The following NKAIN3 variants were observed in gnomAD, a reference collection of about 807,000 sequenced individuals.
NKAIN3 encodes the protein sodium/potassium-transporting ATPase subunit beta-1-interacting protein 3.
A neutral mutation model predicts 30.2 loss-of-function variants in NKAIN3; 25 were observed. The observed-to-expected ratio is 0.83, with a 90% CI of 0.60 to 1.16. The LOEUF (loss-of-function observed/expected upper bound fraction) is 1.16, where lower values mean the gene tolerates loss of function less well. Among genes scored for constraint, NKAIN3 ranks in the 50% most tolerant of loss-of-function variants. The probability of loss-of-function intolerance (pLI) is 0.00; values close to 1 mark genes in which losing one functional copy is unlikely to be tolerated. For synonymous variants in NKAIN3, 91 were observed against 89.6 expected (o/e 1.02, Z -0.09); for missense variants, 225 against 254.1 (o/e 0.89, Z 0.78).
At chr8:62,635,170 A>G (rs1812088775) in intron 3 of NKAIN3, among the ~76,000 whole-genome samples, 3 of 152,154 alleles carry the variant, frequency 2.0e-5, no homozygotes, top group Admixed American at 2.0e-4. Context: ...AATAAATCAA[A>G]GATCAAATAA....
chr8:62,655,867 TA>T (rs113518564), intron 3 of NKAIN3, among the ~76,000 whole-genome samples: 6,873 of 152,154 alleles, frequency 0.045, 268 homozygotes, highest in African/African-American at 0.11. Flanking sequence ...CAAAGGGGCA[TA>T]AAATTATGGT....
intron 4 of NKAIN3, among the ~76,000 whole-genome samples, chr8:62,853,316 C>T (rs1450705198): frequency 6.6e-6 from 1 of 152,138 alleles, no homozygotes; most frequent in Non-Finnish European, 1.5e-5. Flanking sequence ...GGTAGATCTT[C>T]CTCCATCCCT....
At chr8:62,551,696 TAAAAACCA>T (rs755857801) in intron 1 of NKAIN3, among the ~76,000 whole-genome samples, 15 of 152,180 alleles carry the variant, frequency 9.9e-5, no homozygotes, top group Admixed American at 3.3e-4. Context: ...TATATCATTA[TAAAAACCA>T]ACCAGTCACT....
At chr8:62,665,570 T>C (rs117797616) in intron 3 of NKAIN3, among the ~76,000 whole-genome samples, 3 of 152,348 alleles carry the variant, frequency 2.0e-5, no homozygotes, top group East Asian at 3.9e-4. Flanking sequence ...GGAGTGAACG[T>C]GGGCATTTTG....
At chr8:62,915,562 T>C (rs189434242) in intron 4 of NKAIN3, among the ~76,000 whole-genome samples, 7 of 152,274 alleles carry the variant, frequency 4.6e-5, no homozygotes, top group East Asian at 3.9e-4. Flanking sequence ...ATTTGTGTTG[T>C]TTTAAGTCAC....
At position 62,966,794 on chromosome 8, in the gene NKAIN3, G is replaced by A. The variant is rs568883430; in HGVS notation, c.*1387G>A. 1.3e-5 allele frequency among the ~76,000 whole-genome samples: 2 copies of A among 152,140 alleles called. No homozygotes were observed. Among genetic ancestry groups the A allele is most frequent in the African/African-American group, 2.4e-5 (1 of 41,430 alleles). Reference sequence around the variant, plus strand: ...ATAGGCCAGAAAGTTGTGAATATGTGGTTATTAACTCAGCCCATGCATCTC... The same window carrying A: ...ATAGGCCAGAAAGTTGTGAATATGTAGTTATTAACTCAGCCCATGCATCTC... On this transcript the variant is annotated 3_prime_UTR_variant, in exon 7 of 7. Coordinates refer to ENST00000623646, the MANE Select transcript of NKAIN3 (RefSeq NM_001304533.3).
At chr8:62,402,129 A>G (rs1486503035) in intron 1 of NKAIN3, among the ~76,000 whole-genome samples, 4 of 152,170 alleles carry the variant, frequency 2.6e-5, no homozygotes, top group Non-Finnish European at 5.9e-5. Context: ...ACACCAAGGC[A>G]ACAAGAAAAC....
intron 1 of NKAIN3, among the ~76,000 whole-genome samples, chr8:62,408,948 C>T (rs2129595726): frequency 6.6e-6 from 1 of 152,056 alleles, no homozygotes; most frequent in East Asian, 1.9e-4. Context: ...TTGTCAAGAC[C>T]CATCTGAAAA....
intron 1 of NKAIN3, among the ~76,000 whole-genome samples, chr8:62,518,792 A>G (rs1052979998): frequency 6.6e-6 from 1 of 152,186 alleles, no homozygotes; most frequent in African/African-American, 2.4e-5. Context: ...AAATAATCTC[A>G]GCTGTTGCTA....
intron 1 of NKAIN3, among the ~76,000 whole-genome samples, chr8:62,468,491 G>A (rs1317077625): frequency 6.6e-6 from 1 of 152,112 alleles, no homozygotes; most frequent in East Asian, 1.9e-4. Context: ...GTTTCCTTGA[G>A]GTCCACCAAG....
At chr8:62,997,802 G>A (rs1273527760) in intron 5 of NKAIN3, among the ~76,000 whole-genome samples, 2 of 151,058 alleles carry the variant, frequency 1.3e-5, no homozygotes, top group South Asian at 2.1e-4. Context: ...TATGGTGAGT[G>A]TGTTATGAAA....
chr8:62,782,063 T>C (rs1435119415), intron 4 of NKAIN3, among the ~76,000 whole-genome samples: 2 of 151,774 alleles, frequency 1.3e-5, no homozygotes, highest in Non-Finnish European at 2.9e-5. Context: ...ATATCCAGAA[T>C]ATACAAGAAC....
At chr8:62,534,381 G>C (rs910900767) in intron 1 of NKAIN3, among the ~76,000 whole-genome samples, 2 of 152,132 alleles carry the variant, frequency 1.3e-5, no homozygotes, top group Non-Finnish European at 2.9e-5. Context: ...GCTGACTCTA[G>C]TGCAACCTTC....
intron 4 of NKAIN3, chr8:62,856,952 A>G: frequency 1.8e-6 from 1 of 561,398 alleles, no homozygotes; most frequent in Non-Finnish European, 3.4e-6. Context: ...ATAGCCCTGG[A>G]GGCATCAACA....
chr8:62,625,788 T>A (rs1563489320), intron 3 of NKAIN3, among the ~76,000 whole-genome samples: 1 of 152,026 alleles, frequency 6.6e-6, no homozygotes, highest in Admixed American at 6.6e-5. Context: ...CCTTTTTCCT[T>A]TGTTGGGATT....
intron 1 of NKAIN3, among the ~76,000 whole-genome samples, chr8:62,364,828 CAAAAA>C (rs58784999): frequency 4.5e-4 from 29 of 63,764 alleles, no homozygotes; most frequent in Middle Eastern, 0.023. Flanking sequence ...GACTCCACTA[CAAAAA>C]AAAAAAAAAA....
In NKAIN3 at chr8:62,364,828, C is replaced by CA. The variant is rs58784999; in HGVS notation, c.54+115724dup. 1.3e-3 allele frequency among the ~76,000 whole-genome samples: 86 copies of CA among 63,760 alleles called. 11 individuals carry two copies. In the East Asian group the frequency reaches 0.015, roughly 11 times the overall value. The allele number at this position is 63,760 out of a possible 152,430, so 41.8% of individuals were successfully genotyped here. A position where few individuals can be genotyped will look rare whatever the true frequency, so the allele number is the denominator to read the frequency against. On this transcript the variant is annotated intron_variant, in intron 1 of 6. Coordinates refer to ENST00000623646, the MANE Select transcript of NKAIN3 (RefSeq NM_001304533.3). ...TGTGTGACAGAGCGAGACTCCACTA[C>CA]AAAAAAAAAAAAAAAAAAAAAAATC...
chr8:62,734,920 A>G (rs1815599154), intron 3 of NKAIN3, among the ~76,000 whole-genome samples: 1 of 152,242 alleles, frequency 6.6e-6, no homozygotes. Context: ...AAGAGGCTGA[A>G]GATAGGGCTC....
intron 4 of NKAIN3, among the ~76,000 whole-genome samples, chr8:62,869,052 G>C (rs1182736863): frequency 6.6e-6 from 1 of 152,208 alleles, no homozygotes; most frequent in Non-Finnish European, 1.5e-5. Context: ...ATAGGAGAGT[G>C]GGGTATGCCT....
Sources: allele counts gnomAD v4.1 joint callset (sites outside exome capture counted in the v4.1 genomes callset), GRCh38; gene constraint gnomAD v4.1.1; transcripts MANE v1.5; gene names NCBI Gene and HGNC (gene_info 2026-07-23, HGNC 2026-07-21).